CAP2: variants seen among roughly 807,000 people sequenced by gnomAD.
The protein encoded by CAP2 is adenylyl cyclase-associated protein 2.
A neutral mutation model predicts 57.7 loss-of-function variants in CAP2; 24 were observed. The ratio of observed to expected loss-of-function variants is 0.42; its 90% CI spans 0.30 to 0.58. CAP2 has a LOEUF of 0.58. CAP2 is among the 20% of genes least tolerant of loss of function. The probability of loss-of-function intolerance (pLI) is 0.22; values close to 1 mark genes in which losing one functional copy is unlikely to be tolerated. For synonymous variants in CAP2, 194 were observed against 207.2 expected, an observed-to-expected ratio of 0.94 and a Z score of 0.55; for missense variants, 501 against 590.3, an observed-to-expected ratio of 0.85 and a Z score of 1.57.
chr6:17,498,753 G>C (rs1761728942), intron 4 of CAP2, among the ~76,000 whole-genome samples: 1 of 151,586 alleles, frequency 6.6e-6, no homozygotes, highest in Non-Finnish European at 1.5e-5. Flanking sequence ...TTTTGAGATG[G>C]AGTCTTGCTC....
intron 3 of CAP2, among the ~76,000 whole-genome samples, chr6:17,447,794 G>A (rs1268976385): frequency 1.3e-5 from 2 of 152,194 alleles, no homozygotes; most frequent in South Asian, 4.1e-4. Flanking sequence ...TACCACACCT[G>A]GCCAAGAGTT....
At chr6:17,491,582 C>T (rs1315940680) in intron 4 of CAP2, among the ~76,000 whole-genome samples, 8 of 152,196 alleles carry the variant, frequency 5.3e-5, no homozygotes, top group African/African-American at 9.6e-5. Context: ...TACTGGGGCT[C>T]AGACTAGTGT....
intron 3 of CAP2, among the ~76,000 whole-genome samples, chr6:17,432,968 CTCCCT>C (rs1206651711): frequency 7.7e-5 from 11 of 142,654 alleles, no homozygotes; most frequent in African/African-American, 2.9e-4. Flanking sequence ...TCTCTCCCCC[CTCCCT>C]CCCTCTCTCC....
At chr6:17,413,700 C>G (rs1241184458) in intron 1 of CAP2, among the ~76,000 whole-genome samples, 1 of 152,154 alleles carries the variant, frequency 6.6e-6, no homozygotes, top group East Asian at 1.9e-4. Context: ...TTACTTCTCC[C>G]AGTGCTTGGT....
chr6:17,400,859 C>T (rs1337711458), intron 1 of CAP2, among the ~76,000 whole-genome samples: 68 of 124,282 alleles, frequency 5.5e-4, no homozygotes, highest in East Asian at 4.1e-4. Context: ...AGTGAGACTC[C>T]GTCTCAAAAA....
rs1334450058 is a variant in CAP2 at position 17,475,521 on chromosome 6, AAGGGACC to A, written c.300+12450_300+12456del. Among the ~76,000 whole-genome samples the A allele has an allele frequency of 5.0e-3, 762 of 152,302 alleles. 3 individuals are homozygous for A. Among genetic ancestry groups the A allele is most frequent in the East Asian group, 0.027 (138 of 5,176 alleles). ...CCCTTTTACTAAATGAATGCCTTGG[AAGGGACC>A]ACGGAATGGTTCATTTCTAGATGTG... On this transcript the variant is annotated intron_variant, in intron 4 of 12. Coordinates refer to ENST00000229922, the MANE Select transcript of CAP2 (RefSeq NM_006366.3).
chr6:17,556,053 C>T (rs78475841), intron 12 of CAP2, among the ~76,000 whole-genome samples: 2,825 of 152,290 alleles, frequency 0.019, 77 homozygotes, highest in African/African-American at 0.062. Flanking sequence ...ACTCCTAGCT[C>T]ATAGGGTTAT....
At chr6:17,443,592 C>CACACAG in intron 3 of CAP2, among the ~76,000 whole-genome samples, 1 of 151,854 alleles carries the variant, frequency 6.6e-6, no homozygotes. Flanking sequence ...CACACACACA[C>CACACAG]ACGTGCGCAC....
At chr6:17,483,921 A>G (rs1761358618) in intron 4 of CAP2, among the ~76,000 whole-genome samples, 2 of 151,846 alleles carry the variant, frequency 1.3e-5, no homozygotes, top group Admixed American at 6.6e-5. Context: ...ATAGAGCCCC[A>G]TAGGTTCTCT....
At chr6:17,544,121 T>C (rs1235467332) in intron 11 of CAP2, among the ~76,000 whole-genome samples, 3 of 83,912 alleles carry the variant, frequency 3.6e-5, no homozygotes, top group Non-Finnish European at 8.2e-5. Flanking sequence ...AGAGACTCTG[T>C]CTCAAAAAAA....
At chr6:17,553,327 G>A (rs559229358) in intron 12 of CAP2, among the ~76,000 whole-genome samples, 41 of 152,004 alleles carry the variant, frequency 2.7e-4, no homozygotes, top group African/African-American at 8.4e-4. Context: ...AAACCTGAGC[G>A]TTCATGCTAA....
rs200246666 is a variant in CAP2 at position 17,415,697 on chromosome 6, GGAGGC to G, written c.-1-5853_-1-5849del. On this transcript the variant is annotated intron_variant, in intron 1 of 12. Transcript: ENST00000229922. ...GAAAAGCTTGCAGCCGGTCTCCTTG[GGAGGC>G]GAGGTGTACAGGTGCTGACAGGAAA... Among the ~76,000 whole-genome samples, 294 of 152,298 alleles carry G rather than the reference GGAGGC, an allele frequency of 1.9e-3. 7 individuals are homozygous for G. Among genetic ancestry groups the G allele is most frequent in the African/African-American group, 6.7e-3 (279 of 41,554 alleles).
In CAP2 at chr6:17,400,782, G is replaced by A. The variant is rs536312665; in HGVS notation, c.-2+7036G>A. On this transcript the variant is annotated intron_variant, in intron 1 of 12. Transcript: ENST00000229922. ...CGGGAGGCTGAGGCAGGAGAATGGC[G>A]TGAACCCAGGAGGCAGAGCTTGCAG... Among the ~76,000 whole-genome samples, 189 of 151,296 alleles carry A rather than the reference G, an allele frequency of 1.2e-3. 1 individual carries two copies. Among genetic ancestry groups the A allele is most frequent in the East Asian group, 2.0e-3 (10 of 5,102 alleles).
chr6:17,556,527 T>A lies in CAP2; in HGVS notation c.*85T>A. On this transcript the variant is annotated 3_prime_UTR_variant, in exon 13 of 13. Coordinates refer to ENST00000229922, the MANE Select transcript of CAP2 (RefSeq NM_006366.3). Reference sequence around the variant, plus strand: ...AGCAGTAAAGAGCTAGAAGTTGCAGTAGCCCCTACTGCTTTAGCTTTGGCC... The same window carrying A: ...AGCAGTAAAGAGCTAGAAGTTGCAGAAGCCCCTACTGCTTTAGCTTTGGCC... 1 of 919,634 alleles carries A rather than the reference T, an allele frequency of 1.1e-6. No individual in the cohort carries two copies. Among genetic ancestry groups the A allele is most frequent in the Middle Eastern group, 2.1e-4 (1 of 4,704 alleles). 57.0% of individuals were successfully genotyped at this position (919,634 alleles called of 1,614,324 possible). A position where few individuals can be genotyped will look rare whatever the true frequency, so the allele number is the denominator to read the frequency against.
chr6:17,460,130 G>A (rs1220438311), intron 3 of CAP2, among the ~76,000 whole-genome samples: 1 of 152,086 alleles, frequency 6.6e-6, no homozygotes, highest in Non-Finnish European at 1.5e-5. Context: ...AAAAAATCAA[G>A]CTAGTCTCAG....
chr6:17,476,233 G>T (rs1053826313), intron 4 of CAP2, among the ~76,000 whole-genome samples: 1 of 152,154 alleles, frequency 6.6e-6, no homozygotes, highest in East Asian at 1.9e-4. Context: ...CAGTGTTTAC[G>T]TTGATTATAA....
chr6:17,490,847 A>G (rs1219446797), intron 4 of CAP2, among the ~76,000 whole-genome samples: 1 of 152,202 alleles, frequency 6.6e-6, no homozygotes, highest in Non-Finnish European at 1.5e-5. Context: ...GCCAACCACT[A>G]TAAAGGATCA....
At chr6:17,500,417 G>A (rs1761788701) in intron 4 of CAP2, among the ~76,000 whole-genome samples, 1 of 125,010 alleles carries the variant, frequency 8.0e-6, no homozygotes, top group Admixed American at 9.2e-5. Context: ...TTGCCAGGCT[G>A]GAGTGCAGTG....
At position 17,496,037 on chromosome 6, in the gene CAP2, G is replaced by GGGC. The variant is rs1204207554; in HGVS notation, c.301-11130_301-11129insCGG. Among the ~76,000 whole-genome samples, 8 of 132,218 alleles carry GGGC rather than the reference G, an allele frequency of 6.1e-5. No homozygotes were observed. The East Asian group carries it at 1.3e-3, about 21-fold the overall frequency. The allele number at this position is 132,218 out of a possible 152,430, so 86.7% of individuals were successfully genotyped here. The stretch of plus-strand genomic sequence containing the variant: ...GCATGCGTGTGTGGGTGGGGGGGGG[G>GGGC]GGTAAGTCAGGGAAAACAGGCTGCT... On this transcript the variant is annotated intron_variant, in intron 4 of 12. Coordinates refer to ENST00000229922, the MANE Select transcript of CAP2 (RefSeq NM_006366.3).
Sources: gnomAD v4.1 joint callset for allele counts (sites outside exome capture counted in the v4.1 genomes callset) on GRCh38, gnomAD v4.1.1 for gene constraint, MANE v1.5 for transcripts, NCBI Gene and HGNC (gene_info 2026-07-23, HGNC 2026-07-21) for gene names.